RPH3A: variants seen among roughly 807,000 people sequenced by gnomAD.
RPH3A encodes rabphilin-3A.
Under a neutral mutation model 102.2 loss-of-function variants are expected in RPH3A, and 48 were observed. That is an observed-to-expected ratio of 0.47 (90% CI 0.37 to 0.60). RPH3A has a LOEUF of 0.60. RPH3A is among the 20% of genes least tolerant of loss of function. The pLI, the probability that RPH3A is intolerant of heterozygous loss-of-function variation, is 0.00. For missense variants in RPH3A, 781 were observed against 910.1 expected, an observed-to-expected ratio of 0.86 and a Z score of 1.83; for synonymous variants, 310 against 324.3, an observed-to-expected ratio of 0.96 and a Z score of 0.47.
chr12:112,870,390 C>T (rs1285692352), intron 10 of RPH3A, among the ~76,000 whole-genome samples: 2 of 150,752 alleles, frequency 1.3e-5, no homozygotes, highest in Non-Finnish European at 2.9e-5. Context: ...TCTCAAAGAT[C>T]TCTCCAAGTC....
intron 1 of RPH3A, among the ~76,000 whole-genome samples, chr12:112,651,986 C>T (rs2039978139): frequency 6.6e-6 from 1 of 152,166 alleles, no homozygotes; most frequent in Non-Finnish European, 1.5e-5. Context: ...TTTTGTTTTC[C>T]ACCCATTCAT....
In RPH3A at chr12:112,633,236, T is replaced by C. The variant is rs369697904; in HGVS notation, c.-140+57917T>C. Among the ~76,000 whole-genome samples the C allele has an allele frequency of 2.6e-5, 4 of 152,246 alleles. No homozygotes were observed. The East Asian group carries it at 7.7e-4, about 29-fold the overall frequency. ...ACAAGAAACAAAAAAGATAACAATCTATATGAGTCATCCTTCAAAATAGTG... is the reference window on the plus strand; with the variant it reads ...ACAAGAAACAAAAAAGATAACAATCCATATGAGTCATCCTTCAAAATAGTG... On this transcript the variant is annotated intron_variant, in intron 1 of 21. Coordinates refer to the RPH3A transcript ENST00000543106.
At position 112,782,139 on chromosome 12, in the gene RPH3A, C is replaced by G. The variant is rs143713968; in HGVS notation, c.-139-10004C>G. Among the ~76,000 whole-genome samples, 784 of 152,328 alleles carry G rather than the reference C, an allele frequency of 5.1e-3. 8 individuals are homozygous for G. Among genetic ancestry groups the G allele is most frequent in the African/African-American group, 0.018 (742 of 41,566 alleles). ...ATACTCTGTTCCTGTCCCATGCAGG[C>G]CCTTCAGCATTTATTCAATACAACG... On this transcript the variant is annotated intron_variant, in intron 1 of 21. Coordinates refer to the RPH3A transcript ENST00000543106.
chr12:112,826,561 G>A (rs889335706), intron 2 of RPH3A, among the ~76,000 whole-genome samples: 1 of 152,188 alleles, frequency 6.6e-6, no homozygotes. Flanking sequence ...TTCACCCCAT[G>A]GAGGCCCCCT....
intron 1 of RPH3A, among the ~76,000 whole-genome samples, chr12:112,656,817 A>G (rs2040016008): frequency 6.6e-6 from 1 of 151,954 alleles, no homozygotes; most frequent in African/African-American, 2.4e-5. Flanking sequence ...ACATATATAT[A>G]TATATCTCCA....
At chr12:112,621,513 G>A (rs1397045926) in intron 1 of RPH3A, among the ~76,000 whole-genome samples, 2 of 146,824 alleles carry the variant, frequency 1.4e-5, no homozygotes, top group African/African-American at 2.6e-5. Context: ...CTTAAAAAAC[G>A]GCGCACCACG....
intron 1 of RPH3A, among the ~76,000 whole-genome samples, chr12:112,743,059 T>C: frequency 6.6e-6 from 1 of 152,200 alleles, no homozygotes; most frequent in Non-Finnish European, 1.5e-5. Context: ...CAAATCTCCC[T>C]CTGCCTCTGT....
At chr12:112,653,682 T>C (rs1031973999) in intron 1 of RPH3A, among the ~76,000 whole-genome samples, 6 of 152,210 alleles carry the variant, frequency 3.9e-5, no homozygotes, top group Admixed American at 3.9e-4. Context: ...AAGTTTGTTA[T>C]ATAGGCAAAC....
chr12:112,776,746 C>A (rs1005212054), intron 1 of RPH3A, among the ~76,000 whole-genome samples: 1 of 151,382 alleles, frequency 6.6e-6, no homozygotes, highest in Non-Finnish European at 1.5e-5. Flanking sequence ...TGGTGGTGGG[C>A]GCCTGTAGTC....
intron 1 of RPH3A, among the ~76,000 whole-genome samples, chr12:112,725,656 A>G (rs948451060): frequency 2.6e-5 from 4 of 152,210 alleles, no homozygotes; most frequent in Non-Finnish European, 5.9e-5. Context: ...TCTTCTGGCC[A>G]CGGTGATTGG....
At chr12:112,829,666 T>C (rs1240517898) in intron 3 of RPH3A, among the ~76,000 whole-genome samples, 2 of 152,210 alleles carry the variant, frequency 1.3e-5, no homozygotes, top group South Asian at 2.1e-4. Context: ...TTTTACCTTA[T>C]CTATGAAATA....
intron 2 of RPH3A, among the ~76,000 whole-genome samples, chr12:112,807,070 T>C (rs1324555103): frequency 2.0e-5 from 3 of 151,842 alleles, no homozygotes; most frequent in Admixed American, 2.0e-4. Context: ...GAGTGTGAGA[T>C]GTGAGGGTGA....
At chr12:112,605,831 G>T (rs1325337336) in intron 1 of RPH3A, among the ~76,000 whole-genome samples, 2 of 152,332 alleles carry the variant, frequency 1.3e-5, no homozygotes, top group African/African-American at 4.8e-5. Context: ...AATATCTGGG[G>T]TTCCCCCTTT....
At chr12:112,795,502 C>G (rs975283487) in intron 2 of RPH3A, among the ~76,000 whole-genome samples, 40 of 152,294 alleles carry the variant, frequency 2.6e-4, no homozygotes, top group South Asian at 2.1e-4. Flanking sequence ...TTCTGTGCCT[C>G]ACACCTATCT....
intron 1 of RPH3A, among the ~76,000 whole-genome samples, chr12:112,758,407 A>G (rs769211589): frequency 1.2e-4 from 18 of 152,076 alleles, no homozygotes; most frequent in Non-Finnish European, 2.1e-4. Context: ...AAGTAAACTC[A>G]TTTTCCTCCA....
chr12:112,810,780 C>T (rs749284568), intron 2 of RPH3A, among the ~76,000 whole-genome samples: 3 of 152,096 alleles, frequency 2.0e-5, no homozygotes, highest in Non-Finnish European at 4.4e-5. Flanking sequence ...AGATAACAGC[C>T]TAAATTACTA....
intron 1 of RPH3A, among the ~76,000 whole-genome samples, chr12:112,646,465 C>T (rs1439715479): frequency 2.0e-5 from 3 of 152,156 alleles, no homozygotes; most frequent in Non-Finnish European, 2.9e-5. Context: ...CCCTGGCAGA[C>T]GTCCACTCAC....
intron 1 of RPH3A, among the ~76,000 whole-genome samples, chr12:112,652,657 C>T (rs1195199948): frequency 6.6e-6 from 1 of 152,216 alleles, no homozygotes. Flanking sequence ...TTTCTTTCCT[C>T]TGCCCCATGC....
chr12:112,853,307 A>G (rs774145002), intron 5 of RPH3A, among the ~76,000 whole-genome samples: 43 of 152,288 alleles, frequency 2.8e-4, no homozygotes, highest in Middle Eastern at 3.4e-3. Context: ...TCAACATTCT[A>G]TGGATGGGAG....
Sources: gnomAD v4.1 joint callset for allele counts (sites outside exome capture counted in the v4.1 genomes callset) on GRCh38, gnomAD v4.1.1 for gene constraint, MANE v1.5 for transcripts, NCBI Gene and HGNC (gene_info 2026-07-23, HGNC 2026-07-21) for gene names.